The following STARD9 variants were observed in gnomAD, a reference collection of about 807,000 sequenced individuals.
STARD9 encodes stAR-related lipid transfer protein 9.
STARD9 carries 346 observed loss-of-function variants against 399.8 expected under a neutral mutation model. That is an observed-to-expected ratio of 0.87 (90% CI 0.79 to 0.95). STARD9 has a LOEUF of 0.95. Ranked by LOEUF, STARD9 falls within the 40% of genes least tolerant of loss-of-function variation. STARD9 has a pLI of 0.00. For synonymous variants in STARD9, 2,203 were observed against 2,143.5 expected, an observed-to-expected ratio of 1.03 and a Z score of -0.77; for missense variants, 5,832 against 5,667.5, an observed-to-expected ratio of 1.03 and a Z score of -0.93.
Position 42,718,921 on chromosome 15 carries a change from C to A in STARD9, c.14001+11C>A, listed in dbSNP as rs770713247. ...ATCTACTTGGCCCAGGTGATAAATC[C>A]TTTGCAGCTGGCCTCACAGCACAGG... On this transcript the variant is annotated intron_variant, in intron 32 of 32. Coordinates refer to ENST00000290607, the MANE Select transcript of STARD9 (RefSeq NM_020759.3). 3 of 1,536,598 alleles carry A rather than the reference C, an allele frequency of 2.0e-6. No homozygotes were observed. Among genetic ancestry groups the A allele is most frequent in the African/African-American group, 2.7e-5 (2 of 73,022 alleles).
Position 42,689,159 on chromosome 15 carries a change from C to T in STARD9, c.7581C>T (p.Ser2527=). ...LTSGVSLAPV[S]LPRVPSPEPR... ...GCGGTGTTTCCTTAGCACCTGTTTC[C>T]CTGCCGAGGGTGCCCAGTCCAGAGC... The change falls in exon 23 of 33, where the codon TCC becomes TCT. Residue 2527 remains serine, a synonymous_variant. Coordinates refer to ENST00000290607, the MANE Select transcript of STARD9 (RefSeq NM_020759.3). 6.5e-7 allele frequency: 1 copy of T among 1,537,240 alleles called. No homozygotes were observed. Among genetic ancestry groups the T allele is most frequent in the Non-Finnish European group, 8.7e-7 (1 of 1,146,914 alleles).
chr15:42,684,918 T>A lies in STARD9; in HGVS notation c.3340T>A (p.Cys1114Ser), dbSNP rs79165890. ...CAACTACTCATTGGATTCTCTCTCA[T>A]GTGTCTATGCCAAAGCCCTGATAGA... The part of the protein sequence containing the change: ...DSNYSLDSLS[C>S]VYAKALIEPL... The change falls in exon 23 of 33, where the codon TGT (cysteine) becomes AGT (serine). Residue 1114 changes from cysteine (C) to serine (S), a missense_variant. Cys to Ser is a moderately radical substitution (Grantham distance 112). Around this residue, in one of 2 missense-constraint regions of STARD9, gnomAD observed 5,828 missense variants for 5,651.1 expected, o/e 1.03. Transcript: ENST00000290607. 6.5e-7 allele frequency: 1 copy of A among 1,537,070 alleles called. No homozygotes were observed. Among genetic ancestry groups the A allele is most frequent in the Admixed American group, 2.0e-5 (1 of 51,006 alleles).
chr15:42,681,077 G>C (rs549260871), intron 20 of STARD9, among the ~76,000 whole-genome samples: 19 of 152,204 alleles, frequency 1.2e-4, no homozygotes, highest in Admixed American at 1.2e-3. Flanking sequence ...ACACCTTTTT[G>C]TTCTTTTTAA....
chr15:42,581,462 G>C, intron 1 of STARD9: 1 of 1,531,844 alleles, frequency 6.5e-7, no homozygotes, highest in Non-Finnish European at 9.0e-7. Flanking sequence ...GGCTGGGCTG[G>C]TGGCCGCTGC....
At chr15:42,716,824 T>G (rs1172326124) in intron 27 of STARD9, 60 bp downstream of exon 27, 7 of 1,521,886 alleles carry the variant, frequency 4.6e-6, no homozygotes, top group Non-Finnish European at 6.2e-6. Context: ...TGGGGGCTGA[T>G]GGCTGCTAGA....
chr15:42,644,773 A>G (rs1566899622), intron 7 of STARD9, among the ~76,000 whole-genome samples: 2 of 152,234 alleles, frequency 1.3e-5, no homozygotes, highest in Non-Finnish European at 1.5e-5. Context: ...TTTACTCACA[A>G]TAGAACTTAT....
At chr15:42,624,372 A>C (rs1343971567) in intron 3 of STARD9, among the ~76,000 whole-genome samples, 2 of 152,088 alleles carry the variant, frequency 1.3e-5, no homozygotes, top group Non-Finnish European at 2.9e-5. Context: ...TAGTATCCTC[A>C]TTATATTTAG....
Position 42,581,152 on chromosome 15 carries a change from A to AC in STARD9, c.48-2188dup, listed in dbSNP as rs1025319630. 53 of 748,918 alleles carry AC rather than the reference A, an allele frequency of 7.1e-5. 1 individual carries two copies. The highest frequency in any genetic ancestry group is 3.1e-4 in the African/African-American group (18 of 58,182). 46.4% of individuals were successfully genotyped at this position (748,918 alleles called of 1,614,324 possible). On this transcript the variant is annotated intron_variant, in intron 1 of 32. Coordinates refer to ENST00000290607, the MANE Select transcript of STARD9 (RefSeq NM_020759.3). ...AGATGCCCATCTCCAACTGAGCATCACCCCCCAGCTGCATGTTTCCTGTCA... is the reference window on the plus strand; with the variant it reads ...AGATGCCCATCTCCAACTGAGCATCACCCCCCCAGCTGCATGTTTCCTGTCA...
chr15:42,646,437 C>G (rs1443392067), intron 7 of STARD9, among the ~76,000 whole-genome samples: 1 of 152,244 alleles, frequency 6.6e-6, no homozygotes, highest in African/African-American at 2.4e-5. Context: ...TCCGTCAGCA[C>G]TTGCTTGCTT....
In STARD9 at chr15:42,681,559, C is replaced by G; in HGVS notation, c.2012C>G (p.Ala671Gly). Residue 671 changes from alanine to glycine, a missense_variant, in exon 21 of 33, where the codon GCT becomes GGT. Around this residue, in one of 2 missense-constraint regions of STARD9, gnomAD observed 5,828 missense variants for 5,651.1 expected, o/e 1.03. Transcript: ENST00000290607. ...CAAATCCTAGCAGAAGAGATTCGAGCTGCGAAGGAACTGGAATTTGACCAA... is the reference window on the plus strand; with the variant it reads ...CAAATCCTAGCAGAAGAGATTCGAGGTGCGAAGGAACTGGAATTTGACCAA... ...RHQILAEEIR[A>G]AKELEFDQAW... The G allele has an allele frequency of 6.5e-7, 1 of 1,537,128 alleles. No homozygotes were observed. Among genetic ancestry groups the G allele is most frequent in the Non-Finnish European group, 8.7e-7 (1 of 1,146,854 alleles).
chr15:42,576,064 C>T (rs2058048720), intron 1 of STARD9, among the ~76,000 whole-genome samples: 1 of 152,134 alleles, frequency 6.6e-6, no homozygotes, highest in Non-Finnish European at 1.5e-5. Flanking sequence ...TCGGGTTGGG[C>T]CTTTGAGAAA....
chr15:42,687,207 A>C lies in STARD9; in HGVS notation c.5629A>C (p.Lys1877Gln). 1.3e-6 allele frequency: 2 copies of C among 1,537,402 alleles called. No individual in the cohort carries two copies. The highest frequency in any genetic ancestry group is 8.7e-7 in the Non-Finnish European group (1 of 1,146,970). The change falls in exon 23 of 33, where the codon AAA becomes CAA. Residue 1877 changes from lysine to glutamine, a missense_variant. Physicochemically the swap from Lys to Gln is moderately conservative, Grantham distance 53 (BLOSUM62 1). Transcript: ENST00000290607. ...EFENQVVILN[K>Q]KHSFPALEGG... Reference sequence around the variant, plus strand: ...TGAAAACCAAGTTGTAATTTTAAATAAAAAACACAGTTTTCCAGCACTTGA... The same window carrying C: ...TGAAAACCAAGTTGTAATTTTAAATCAAAAACACAGTTTTCCAGCACTTGA...
At chr15:42,614,266 G>T (rs531560646) in intron 3 of STARD9, among the ~76,000 whole-genome samples, 2 of 151,352 alleles carry the variant, frequency 1.3e-5, no homozygotes, top group Non-Finnish European at 2.9e-5. Context: ...AGCCAAGATC[G>T]TGCCATTGCA....
Position 42,692,354 on chromosome 15 carries a change from C to T in STARD9, c.10776C>T (p.Gly3592=). The T allele has an allele frequency of 6.5e-7, 1 of 1,537,018 alleles. No individual in the cohort carries two copies. The highest frequency in any genetic ancestry group is 8.7e-7 in the Non-Finnish European group (1 of 1,146,906). Residue 3592 remains glycine (G), a synonymous_variant, in exon 23 of 33, where the codon GGC becomes GGT. Transcript: ENST00000290607. The part of the protein sequence containing the change: ...SGHDRRPQFR[G]PSGEADCLRS... ...ATGACAGAAGGCCTCAGTTCAGGGG[C>T]CCTTCTGGTGAAGCAGACTGTCTGA... is the stretch of plus-strand genomic sequence containing the variant.
chr15:42,578,447 G>A (rs1434477464), intron 1 of STARD9, among the ~76,000 whole-genome samples: 1 of 152,058 alleles, frequency 6.6e-6, no homozygotes, highest in Non-Finnish European at 1.5e-5. Flanking sequence ...TGGTTTTGAT[G>A]TCCTCCCCTC....
chr15:42,644,449 C>T (rs948588452), intron 7 of STARD9, among the ~76,000 whole-genome samples: 15 of 151,510 alleles, frequency 9.9e-5, no homozygotes, highest in African/African-American at 2.9e-4. Context: ...GCCAGGATCA[C>T]GCCACTGCAC....
rs778100847 is a variant in STARD9, at chr15:42,694,172, C to T, written c.12594C>T (p.Pro4198=). The change falls in exon 23 of 33, where the codon CCC becomes CCT. Residue 4198 remains proline (P), a synonymous_variant. Coordinates refer to ENST00000290607, the MANE Select transcript of STARD9 (RefSeq NM_020759.3). ...DSEWSKREQI[P]LQVGAQNLSL... ...AGTGGTCCAAGAGGGAGCAGATCCCCCTGCAAGTTGGGGCCCAGAACCTCT... is the reference window on the plus strand; with the variant it reads ...AGTGGTCCAAGAGGGAGCAGATCCCTCTGCAAGTTGGGGCCCAGAACCTCT... 1.1e-4 allele frequency: 173 copies of T among 1,535,146 alleles called. No homozygotes were observed. Among genetic ancestry groups the T allele is most frequent in the Non-Finnish European group, 1.4e-4 (160 of 1,146,062 alleles).
intron 3 of STARD9, among the ~76,000 whole-genome samples, chr15:42,604,026 G>A (rs528684067): frequency 1.3e-5 from 2 of 152,184 alleles, no homozygotes; most frequent in Non-Finnish European, 2.9e-5. Flanking sequence ...CATGCAAGGA[G>A]GGGGTTTGTT....
rs2059392536 is a variant in STARD9 at position 42,634,966 on chromosome 15, G to A, written c.345G>A (p.Gly115=). 1.3e-6 allele frequency: 2 copies of A among 1,524,340 alleles called. No individual in the cohort carries two copies. Among genetic ancestry groups the A allele is most frequent in the African/African-American group, 1.4e-5 (1 of 72,730 alleles). The allele number at this position is 1,524,340 out of a possible 1,614,324, so 94.4% of individuals were successfully genotyped here. ...TGSGKTYTML[G]TPASVGLTPR... ...CTGGGAAGACATATACCATGCTGGG[G>A]ACCCCAGTGAGTATTACAATGATAT... Residue 115 remains glycine (G), a synonymous_variant, in exon 4 of 33, where the codon GGG becomes GGA. Transcript: ENST00000290607.
Sources: allele counts gnomAD v4.1 joint callset (sites outside exome capture counted in the v4.1 genomes callset), GRCh38; gene constraint gnomAD v4.1.1; regional missense constraint gnomAD v4.1.1; transcripts MANE v1.5; gene names NCBI Gene and HGNC (gene_info 2026-07-23, HGNC 2026-07-21).